PTPRD: variants seen among roughly 807,000 people sequenced by gnomAD.
The protein encoded by PTPRD is receptor-type tyrosine-protein phosphatase delta.
PTPRD carries 34 observed loss-of-function variants against 214.5 expected under a neutral mutation model. That is an observed-to-expected ratio of 0.16 (90% confidence interval 0.12 to 0.21). The LOEUF is 0.21. Among genes scored for constraint, PTPRD ranks in the 10% least tolerant of loss-of-function variants. The pLI, the probability that PTPRD is intolerant of heterozygous loss-of-function variation, is 1.00. For synonymous variants in PTPRD, 1,128 were observed against 845.7 expected (o/e 1.33, Z -5.79); for missense variants, 2,545 against 2,398.7 (o/e 1.06, Z -1.27).
intron 8 of PTPRD, among the ~76,000 whole-genome samples, chr9:9,433,324 C>G (rs758292718): frequency 1.3e-5 from 2 of 152,170 alleles, no homozygotes; most frequent in Non-Finnish European, 2.9e-5. Flanking sequence ...TCAGACTGAA[C>G]TGACACACAT....
At chr9:10,130,614 C>T (rs1007523091) in intron 3 of PTPRD, among the ~76,000 whole-genome samples, 2 of 152,062 alleles carry the variant, frequency 1.3e-5, no homozygotes, top group Non-Finnish European at 2.9e-5. Flanking sequence ...TCTGAGCATA[C>T]AGTTGCAAAC....
intron 3 of PTPRD, among the ~76,000 whole-genome samples, chr9:10,072,668 G>A (rs774964879): frequency 6.6e-6 from 1 of 152,012 alleles, no homozygotes; most frequent in Non-Finnish European, 1.5e-5. Context: ...CGTGCTTATT[G>A]TTGCATTTTA....
chr9:10,060,192 C>A (rs1631927), intron 3 of PTPRD, among the ~76,000 whole-genome samples: 70,564 of 151,956 alleles, frequency 0.46, 18,835 homozygotes, highest in African/African-American at 0.75. Flanking sequence ...CATTTCATTT[C>A]TGTCCTCAGC....
At chr9:9,547,796 T>TCACACACACATA (rs2079145883) in intron 8 of PTPRD, among the ~76,000 whole-genome samples, 1 of 142,372 alleles carries the variant, frequency 7.0e-6, no homozygotes. Context: ...AAACACAAAT[T>TCACACACACATA]CACACACACA....
chr9:9,370,704 A>G (rs2059231382), intron 9 of PTPRD, among the ~76,000 whole-genome samples: 1 of 152,106 alleles, frequency 6.6e-6, no homozygotes, highest in Non-Finnish European at 1.5e-5. Context: ...TTCAAAGGGA[A>G]TGCTTCCAGT....
chr9:9,467,528 A>C (rs189290944), intron 8 of PTPRD, among the ~76,000 whole-genome samples: 181 of 137,964 alleles, frequency 1.3e-3, no homozygotes, highest in Middle Eastern at 4.3e-3. Context: ...CGGAGGCTGC[A>C]GTGAGCCGAG....
chr9:8,855,481 T>C (rs569258852), intron 11 of PTPRD, among the ~76,000 whole-genome samples: 103 of 152,168 alleles, frequency 6.8e-4, no homozygotes, highest in Non-Finnish European at 1.4e-3. Context: ...AATAAAATGT[T>C]TAATTCATCC....
At chr9:9,506,577 G>A (rs2096576350) in intron 8 of PTPRD, among the ~76,000 whole-genome samples, 1 of 151,350 alleles carries the variant, frequency 6.6e-6, no homozygotes, top group African/African-American at 2.4e-5. Context: ...AAATGGCCTA[G>A]AGATGAATGT....
intron 14 of PTPRD, among the ~76,000 whole-genome samples, chr9:8,583,470 C>T (rs902035109): frequency 1.3e-5 from 2 of 152,090 alleles, no homozygotes; most frequent in Non-Finnish European, 2.9e-5. Context: ...CAGGCACAAG[C>T]CACCACGCAT....
chr9:8,696,697 G>C (rs1597265855), intron 12 of PTPRD, among the ~76,000 whole-genome samples: 1 of 152,216 alleles, frequency 6.6e-6, no homozygotes, highest in East Asian at 1.9e-4. Flanking sequence ...TCTGACATAA[G>C]ATGACGGCAG....
chr9:8,525,139 G>A (rs200358210), intron 17 of PTPRD, 104 bp from the exon 18 acceptor site: 2 of 962,976 alleles, frequency 2.1e-6, no homozygotes, highest in Admixed American at 1.7e-5. Context: ...CAAAGCGAAG[G>A]TCCACTCAAC....
intron 30 of PTPRD, among the ~76,000 whole-genome samples, chr9:8,471,801 T>C (rs956704796): frequency 6.6e-6 from 1 of 152,130 alleles, no homozygotes; most frequent in Admixed American, 6.6e-5. Flanking sequence ...AAGGAATGTA[T>C]AAAGGCACCC....
chr9:9,607,555 T>G (rs972002277), intron 7 of PTPRD, among the ~76,000 whole-genome samples: 1 of 152,152 alleles, frequency 6.6e-6, no homozygotes, highest in East Asian at 1.9e-4. Flanking sequence ...AAAGTTTATA[T>G]GTCTTCTTTA....
At chr9:9,866,562 C>T (rs896567726) in intron 5 of PTPRD, among the ~76,000 whole-genome samples, 18 of 151,770 alleles carry the variant, frequency 1.2e-4, no homozygotes, top group Non-Finnish European at 8.8e-5. Flanking sequence ...CATAACTATC[C>T]GCTCAAAAAT....
chr9:9,195,038 A>G (rs1489713930), intron 9 of PTPRD, among the ~76,000 whole-genome samples: 1 of 150,306 alleles, frequency 6.7e-6, no homozygotes, highest in East Asian at 2.0e-4. Flanking sequence ...GTGTGTGTAT[A>G]TATATACATA....
intron 14 of PTPRD, among the ~76,000 whole-genome samples, chr9:8,617,577 C>G (rs1238441296): frequency 2.0e-5 from 3 of 152,034 alleles, no homozygotes; most frequent in African/African-American, 7.2e-5. Context: ...CACCTCTTGT[C>G]TAAGTACTGG....
intron 3 of PTPRD, among the ~76,000 whole-genome samples, chr9:10,071,631 TCAAA>T (rs2098019127): frequency 6.6e-6 from 1 of 151,888 alleles, no homozygotes; most frequent in African/African-American, 2.4e-5. Flanking sequence ...AAAAATTAAC[TCAAA>T]CAAGGATTGT....
chr9:9,913,772 G>C (rs1285353049), intron 5 of PTPRD, among the ~76,000 whole-genome samples: 3 of 152,116 alleles, frequency 2.0e-5, no homozygotes, highest in African/African-American at 7.2e-5. Context: ...TTAGAGAATT[G>C]CTGGGAATTC....
At chr9:8,598,616 G>C (rs1360538272) in intron 14 of PTPRD, among the ~76,000 whole-genome samples, 1 of 152,116 alleles carries the variant, frequency 6.6e-6, no homozygotes, top group Admixed American at 6.5e-5. Flanking sequence ...CTTTCTATCA[G>C]ATCATGCCTT....
Sources: allele counts gnomAD v4.1 joint callset (sites outside exome capture counted in the v4.1 genomes callset), GRCh38; gene constraint gnomAD v4.1.1; transcripts MANE v1.5; gene names NCBI Gene and HGNC (gene_info 2026-07-23, HGNC 2026-07-21).